The following CHD9 variants were observed in gnomAD, a reference collection of about 807,000 sequenced individuals.
The protein encoded by CHD9 is ATP-dependent chromatin remodeler CHD9.
CHD9 carries 77 observed loss-of-function variants against 316.1 expected under a neutral mutation model. That is an observed-to-expected ratio of 0.24 (90% CI 0.20 to 0.29). CHD9 has a LOEUF of 0.29. CHD9 is among the 10% of genes least tolerant of loss of function. The probability of loss-of-function intolerance (pLI) is 1.00; values close to 1 mark genes in which losing one functional copy is unlikely to be tolerated. For missense variants in CHD9, 2,763 were observed against 3,438.1 expected, an observed-to-expected ratio of 0.80 and a Z score of 4.91; for synonymous variants, 1,129 against 1,158.3, an observed-to-expected ratio of 0.97 and a Z score of 0.51.
At chr16:53,089,809 G>A (rs926436757) in intron 1 of CHD9, among the ~76,000 whole-genome samples, 1 of 152,214 alleles carries the variant, frequency 6.6e-6, no homozygotes, top group African/African-American at 2.4e-5. Context: ...GCCCTGGCAG[G>A]TGGCAAGGGA....
intron 2 of CHD9, among the ~76,000 whole-genome samples, chr16:53,187,683 G>A (rs567329818): frequency 1.3e-5 from 2 of 152,054 alleles, no homozygotes; most frequent in East Asian, 1.9e-4. Context: ...AAAGTGATGA[G>A]CAACAGTGTC....
Position 53,143,040 on chromosome 16 carries a change from G to C in CHD9, c.-164-12886G>C, listed in dbSNP as rs535437953. ...TTTTCTGTAACAAGCCCACTATCTT[G>C]ATGACTAACCTACTCCTGTGATAAC... On this transcript the variant is annotated intron_variant, in intron 1 of 38. Coordinates refer to ENST00000447540, the MANE Select transcript of CHD9 (RefSeq NM_001308319.2). Among the ~76,000 whole-genome samples, 3 of 152,268 alleles carry C rather than the reference G, an allele frequency of 2.0e-5. No homozygotes were observed. The South Asian group carries it at 6.2e-4, about 32-fold the overall frequency.
In CHD9 at chr16:53,318,281, G is replaced by A; in HGVS notation, c.7654G>A (p.Val2552Met). ...TTGCAGAAACCCCAATAAACTAGAT[G>A]TGAATAGTCTCACTGGAGAAGAACG... ...HRCRNPNKLD[V>M]NSLTGEERVQ... The change falls in exon 37 of 39, where the codon GTG becomes ATG. Residue 2552 changes from valine (V) to methionine (M), a missense_variant. Physicochemically the swap from Val to Met is conservative, Grantham distance 21. Transcript: ENST00000447540. The A allele has an allele frequency of 6.2e-7, 1 of 1,612,788 alleles. No individual in the cohort carries two copies. The highest frequency in any genetic ancestry group is 8.5e-7 in the Non-Finnish European group (1 of 1,179,160).
chr16:53,060,517 G>T (rs919338913), intron 1 of CHD9, among the ~76,000 whole-genome samples: 1 of 151,934 alleles, frequency 6.6e-6, no homozygotes, highest in Non-Finnish European at 1.5e-5. Flanking sequence ...CAGAACTTTG[G>T]GGGGCTGAGG....
At position 53,088,275 on chromosome 16, in the gene CHD9, C is replaced by CTTTTTTTTTTTTTTTTTTTTTTT. The variant is rs35052198; in HGVS notation, c.-165+33201_-165+33202insTTTTTTTTTTTTTTTTTTTTTTT. Among the ~76,000 whole-genome samples, 9 of 127,050 alleles carry CTTTTTTTTTTTTTTTTTTTTTTT rather than the reference C, an allele frequency of 7.1e-5. 3 individuals are homozygous for CTTTTTTTTTTTTTTTTTTTTTTT. The highest frequency in any genetic ancestry group is 1.3e-4 in the Non-Finnish European group (8 of 62,128). 83.3% of individuals were successfully genotyped at this position (127,050 alleles called of 152,430 possible). A position where few individuals can be genotyped will look rare whatever the true frequency, so the allele number is the denominator to read the frequency against. Reference sequence around the variant, plus strand: ...CTGTAATCAAGGAAAATGACATGCACTTTGTTTTTTTTTTTTTTTTGAGAT... The same window carrying CTTTTTTTTTTTTTTTTTTTTTTT: ...CTGTAATCAAGGAAAATGACATGCACTTTTTTTTTTTTTTTTTTTTTTTTTTGTTTTTTTTTTTTTTTTGAGAT... On this transcript the variant is annotated intron_variant, in intron 1 of 38. Transcript: ENST00000447540.
chr16:53,131,434 G>A (rs1451207617), intron 1 of CHD9: 1 of 146,530 alleles, frequency 6.8e-6, no homozygotes, highest in Non-Finnish European at 1.5e-5. Flanking sequence ...GGGCGGGCCC[G>A]CGGGGAGGCC....
In CHD9 at chr16:53,324,859, G is replaced by A. The variant is rs1004425304; in HGVS notation, c.8658G>A (p.Ser2886=). The change falls in exon 39 of 39, where the codon TCG becomes TCA. Residue 2886 remains serine, a synonymous_variant. Coordinates refer to ENST00000447540, the MANE Select transcript of CHD9 (RefSeq NM_001308319.2). The part of the protein sequence containing the change: ...DASSGSDSTS[S]SSEDSDSSNE... ...CATCTGGATCTGATAGTACATCGTC[G>A]TCATCTGAGGATTCAGATTCTAGTA... is the stretch of plus-strand genomic sequence containing the variant. 8.7e-6 allele frequency: 14 copies of A among 1,603,448 alleles called. No individual in the cohort carries two copies. Among genetic ancestry groups the A allele is most frequent in the African/African-American group, 1.3e-5 (1 of 74,306 alleles).
chr16:53,285,785 C>A, intron 25 of CHD9, 86 bp downstream of exon 25: 1 of 666,402 alleles, frequency 1.5e-6, no homozygotes, highest in South Asian at 2.2e-5. Flanking sequence ...CCACTTACAG[C>A]TTTATTCCAG....
At chr16:53,112,109 G>T (rs908025336) in intron 1 of CHD9, among the ~76,000 whole-genome samples, 1 of 152,178 alleles carries the variant, frequency 6.6e-6, no homozygotes, top group Admixed American at 6.5e-5. Flanking sequence ...GAGAAATCAG[G>T]CAACAGCAGG....
At chr16:53,119,021 A>C (rs2038537445) in intron 1 of CHD9, among the ~76,000 whole-genome samples, 1 of 152,046 alleles carries the variant, frequency 6.6e-6, no homozygotes, top group Non-Finnish European at 1.5e-5. Flanking sequence ...CGAACTCCTG[A>C]CCTCAAGTGA....
chr16:53,205,426 C>A (rs1056075999), intron 2 of CHD9, among the ~76,000 whole-genome samples: 2 of 151,924 alleles, frequency 1.3e-5, no homozygotes, highest in East Asian at 1.9e-4. Flanking sequence ...AGGAAAAAAA[C>A]CAAAAATACA....
At chr16:53,207,773 T>C (rs939134209) in intron 2 of CHD9, among the ~76,000 whole-genome samples, 1 of 152,100 alleles carries the variant, frequency 6.6e-6, no homozygotes, top group Admixed American at 6.5e-5. Flanking sequence ...TACCACAGTT[T>C]AGTTCTCAGG....
chr16:53,179,115 T>C (rs1299819307), intron 2 of CHD9, among the ~76,000 whole-genome samples: 1 of 152,260 alleles, frequency 6.6e-6, no homozygotes, highest in African/African-American at 2.4e-5. Flanking sequence ...TTTGCTTTAT[T>C]TGTGTATATA....
At chr16:53,292,732 C>T in intron 28 of CHD9, 101 bp from the exon 29 acceptor site, 3 of 851,550 alleles carry the variant, frequency 3.5e-6, no homozygotes, top group Non-Finnish European at 5.6e-6. Context: ...TTTTTTTCCC[C>T]ACATAGATTG....
chr16:53,235,687 A>G lies in CHD9; in HGVS notation c.2633+381A>G, dbSNP rs569173063. Among the ~76,000 whole-genome samples, 17 of 152,318 alleles carry G rather than the reference A, an allele frequency of 1.1e-4. No individual in the cohort carries two copies. The South Asian group carries it at 3.3e-3, about 30-fold the overall frequency. The stretch of plus-strand genomic sequence containing the variant: ...TACTTATAGGAATTAAAGCTCTATC[A>G]TTTAATGTAAATTATCAAAGAAGTA... On this transcript the variant is annotated intron_variant, in intron 11 of 38. Transcript: ENST00000447540.
intron 1 of CHD9, among the ~76,000 whole-genome samples, chr16:53,060,622 G>A (rs1233152422): frequency 6.6e-6 from 1 of 152,006 alleles, no homozygotes; most frequent in Non-Finnish European, 1.5e-5. Flanking sequence ...GCCAGGTGTG[G>A]TGGTGCACCT....
intron 1 of CHD9, among the ~76,000 whole-genome samples, chr16:53,092,210 T>A (rs2036005308): frequency 6.6e-6 from 1 of 152,222 alleles, no homozygotes; most frequent in South Asian, 2.1e-4. Flanking sequence ...CCTGGAGAGC[T>A]GCAGCCTGGC....
intron 1 of CHD9, among the ~76,000 whole-genome samples, chr16:53,066,165 A>T (rs939254150): frequency 2.6e-5 from 4 of 152,130 alleles, no homozygotes; most frequent in African/African-American, 7.2e-5. Context: ...ACCTTGGATG[A>T]GTTGCTTAAC....
rs967114444 is a variant in CHD9, at chr16:53,253,864, T to C, written c.3862-574T>C. On this transcript the variant is annotated intron_variant, in intron 17 of 38. Transcript: ENST00000447540. ...GGTTTTGTGTCCCTGCCTAAAAGTA[T>C]ACTGACTACACTTCCGTTAAAACAT... Among the ~76,000 whole-genome samples the C allele has an allele frequency of 2.0e-5, 3 of 152,136 alleles. No homozygotes were observed. In the East Asian group the frequency reaches 5.8e-4, roughly 29 times the overall value.
Sources: gnomAD v4.1 joint callset for allele counts (sites outside exome capture counted in the v4.1 genomes callset) on GRCh38, gnomAD v4.1.1 for gene constraint, MANE v1.5 for transcripts, NCBI Gene and HGNC (gene_info 2026-07-23, HGNC 2026-07-21) for gene names.